Variants in WWOX observed in about 807,000 individuals in gnomAD.
The protein encoded by WWOX is WW domain-containing oxidoreductase.
WWOX carries 69 observed loss-of-function variants against 46.2 expected under a neutral mutation model. The observed-to-expected ratio is 1.49, with a 90% confidence interval of 1.23 to 1.82. The LOEUF (loss-of-function observed/expected upper bound fraction) is 1.82. WWOX is among the 40% of genes most tolerant of loss of function. The probability of loss-of-function intolerance (pLI) is 0.00; values close to 1 mark genes in which losing one functional copy is unlikely to be tolerated. For missense variants in WWOX, 919 were observed against 542.6 expected (o/e 1.69, Z -6.89); for synonymous variants, 359 against 202.6 (o/e 1.77, Z -6.56).
chr16:79,011,207 A>G (rs1019542773), intron 8 of WWOX, among the ~76,000 whole-genome samples: 2 of 151,376 alleles, frequency 1.3e-5, no homozygotes, highest in South Asian at 2.1e-4. Flanking sequence ...TGCAGACATC[A>G]TCACGGCTCA....
At chr16:78,326,385 C>G (rs746187793) in intron 5 of WWOX, among the ~76,000 whole-genome samples, 5 of 152,074 alleles carry the variant, frequency 3.3e-5, no homozygotes, top group Non-Finnish European at 7.4e-5. Flanking sequence ...CCACCCCTAT[C>G]ATACTTAGGA....
At chr16:78,928,000 G>C (rs1439797616) in intron 8 of WWOX, among the ~76,000 whole-genome samples, 1 of 152,032 alleles carries the variant, frequency 6.6e-6, no homozygotes, top group Non-Finnish European at 1.5e-5. Flanking sequence ...ATGTGTGTGT[G>C]CGTGTTATAT....
At chr16:79,075,099 C>A (rs1406811561) in intron 8 of WWOX, among the ~76,000 whole-genome samples, 1 of 152,148 alleles carries the variant, frequency 6.6e-6, no homozygotes, top group African/African-American at 2.4e-5. Flanking sequence ...TTCACTACAA[C>A]ACTGTTTCTC....
chr16:79,035,625 G>A (rs1192397645), intron 8 of WWOX, among the ~76,000 whole-genome samples: 3 of 152,076 alleles, frequency 2.0e-5, no homozygotes, highest in African/African-American at 2.4e-5. Flanking sequence ...CTGCAACCTC[G>A]TCTCCCGGGT....
At chr16:78,813,760 T>A (rs2051259528) in intron 8 of WWOX, among the ~76,000 whole-genome samples, 2 of 152,234 alleles carry the variant, frequency 1.3e-5, no homozygotes, top group Admixed American at 1.3e-4. Flanking sequence ...GTTTGTCATA[T>A]GTCAGACCAG....
intron 8 of WWOX, among the ~76,000 whole-genome samples, chr16:79,193,110 C>T (rs1403233088): frequency 6.6e-6 from 1 of 152,220 alleles, no homozygotes; most frequent in African/African-American, 2.4e-5. Context: ...CAGCACTTTC[C>T]ATTCCATTAG....
chr16:78,305,611 G>A (rs1430513082), intron 5 of WWOX, among the ~76,000 whole-genome samples: 2 of 151,804 alleles, frequency 1.3e-5, no homozygotes, highest in African/African-American at 2.4e-5. Context: ...TGTCATCCAT[G>A]GAGCTTGAAC....
chr16:78,850,702 C>G (rs147699718), intron 8 of WWOX, among the ~76,000 whole-genome samples: 278 of 152,256 alleles, frequency 1.8e-3, no homozygotes, highest in African/African-American at 6.4e-3. Flanking sequence ...CTGTGCCAGT[C>G]ACTGCCTGTG....
chr16:78,259,379 T>C (rs946947007), intron 5 of WWOX, among the ~76,000 whole-genome samples: 5 of 152,198 alleles, frequency 3.3e-5, no homozygotes, highest in African/African-American at 7.2e-5. Context: ...CAGGTTGGAG[T>C]GCAGTGGCAC....
chr16:78,634,837 A>AGAGAGAGAGTGTGT (rs1346762709), intron 8 of WWOX, among the ~76,000 whole-genome samples: 98 of 111,766 alleles, frequency 8.8e-4, no homozygotes, highest in Middle Eastern at 0.01. Flanking sequence ...AGAGAGAGAG[A>AGAGAGAGAGTGTGT]GTGTGTGTGT....
At chr16:78,776,274 G>T (rs1597590975) in intron 8 of WWOX, among the ~76,000 whole-genome samples, 1 of 152,180 alleles carries the variant, frequency 6.6e-6, no homozygotes, top group African/African-American at 2.4e-5. Flanking sequence ...TGGCTCGGTG[G>T]TTGGGATGGT....
chr16:78,966,455 T>G (rs1199183830), intron 8 of WWOX, among the ~76,000 whole-genome samples: 1 of 152,198 alleles, frequency 6.6e-6, no homozygotes, highest in East Asian at 1.9e-4. Flanking sequence ...ATTATAGGCT[T>G]TTCATGTACA....
intron 8 of WWOX, among the ~76,000 whole-genome samples, chr16:79,090,874 A>G (rs554802962): frequency 6.6e-6 from 1 of 152,236 alleles, no homozygotes; most frequent in African/African-American, 2.4e-5. Flanking sequence ...GCTCACTGCA[A>G]CCTTTGCCTC....
intron 8 of WWOX, among the ~76,000 whole-genome samples, chr16:79,129,646 A>C (rs2049834667): frequency 6.6e-6 from 1 of 152,152 alleles, no homozygotes; most frequent in Non-Finnish European, 1.5e-5. Flanking sequence ...AATTCATTTC[A>C]CATTAGTTGC....
At position 78,874,274 on chromosome 16, in the gene WWOX, T is replaced by C. The variant is rs1052724269; in HGVS notation, c.1057-337334T>C. On this transcript the variant is annotated intron_variant, in intron 8 of 8. Transcript: ENST00000566780. Reference sequence around the variant, plus strand: ...CTGTCTCAAAAAAAAAAAAAAAAGCTTCCATTTGAGCCGCCAGGAAAGGAG... The same window carrying C: ...CTGTCTCAAAAAAAAAAAAAAAAGCCTCCATTTGAGCCGCCAGGAAAGGAG... 9.0e-5 allele frequency among the ~76,000 whole-genome samples: 13 copies of C among 144,800 alleles called. 1 individual carries two copies. The highest frequency in any genetic ancestry group is 4.1e-4 in the Admixed American group (6 of 14,518). 95.0% of individuals were successfully genotyped at this position (144,800 alleles called of 152,430 possible).
chr16:78,189,043 C>G (rs150353226), intron 5 of WWOX, among the ~76,000 whole-genome samples: 57 of 152,136 alleles, frequency 3.7e-4, no homozygotes, highest in Non-Finnish European at 6.8e-4. Context: ...TGCCTGAGGC[C>G]CAACCTTCCT....
At chr16:79,061,846 C>G (rs1394260631) in intron 8 of WWOX, among the ~76,000 whole-genome samples, 3 of 152,140 alleles carry the variant, frequency 2.0e-5, no homozygotes, top group Admixed American at 6.5e-5. Context: ...CACCTCCTGA[C>G]AAGGTTTTGG....
intron 8 of WWOX, among the ~76,000 whole-genome samples, chr16:78,998,972 A>T (rs2047042350): frequency 6.6e-6 from 1 of 152,232 alleles, no homozygotes; most frequent in African/African-American, 2.4e-5. Flanking sequence ...GACAGATTCC[A>T]GGAAAGTCCC....
At chr16:78,770,746 C>T (rs1254450176) in intron 8 of WWOX, among the ~76,000 whole-genome samples, 1 of 151,446 alleles carries the variant, frequency 6.6e-6, no homozygotes, top group East Asian at 2.0e-4. Flanking sequence ...AGTGTCCCTG[C>T]AGCGCCCTCT....
Sources: allele counts gnomAD v4.1 joint callset (sites outside exome capture counted in the v4.1 genomes callset), GRCh38; gene constraint gnomAD v4.1.1; transcripts MANE v1.5; gene names NCBI Gene and HGNC (gene_info 2026-07-23, HGNC 2026-07-21).